Variants in CASQ1 observed in about 807,000 individuals in gnomAD.
The protein encoded by CASQ1 is calsequestrin-1.
In CASQ1, 40 loss-of-function variants were observed where a neutral mutation model predicts 49.5. The observed-to-expected ratio is 0.81, with a 90% CI of 0.63 to 1.05. The LOEUF is 1.05. Ranked by LOEUF, CASQ1 falls within the 50% of genes least tolerant of loss-of-function variation. The pLI is 0.00. For missense variants in CASQ1, 469 were observed against 486.9 expected, an observed-to-expected ratio of 0.96 and a Z score of 0.35; for synonymous variants, 174 against 187.2, an observed-to-expected ratio of 0.93 and a Z score of 0.58.
At chr1:160,194,342 T>C (rs766727641) in intron 3 of CASQ1, among the ~76,000 whole-genome samples, 6 of 141,180 alleles carry the variant, frequency 4.2e-5, no homozygotes, top group Non-Finnish European at 9.1e-5. Flanking sequence ...ACTACACACA[T>C]GCACACACAT....
In CASQ1 at chr1:160,192,919, G is replaced by A. The variant is rs755874903; in HGVS notation, c.364+33G>A. On this transcript the variant is annotated intron_variant, in intron 2 of 10. Transcript: ENST00000368078. ...AGGGGAGGGCAGGGGAGGGGAAGGT[G>A]GCATTGAGACAAGGGGAGGCTTAGG... 22 of 1,576,948 alleles carry A rather than the reference G, an allele frequency of 1.4e-5. No homozygotes were observed. The South Asian group carries it at 1.7e-4, about 12-fold the overall frequency.
chr1:160,196,102 G>A, intron 6 of CASQ1, 75 bp downstream of exon 6: 11 of 1,487,046 alleles, frequency 7.4e-6, no homozygotes, highest in Non-Finnish European at 1.0e-5. Context: ...AGATGGGCTG[G>A]GGAAAGCTTA....
chr1:160,201,554 CT>C lies in CASQ1; in HGVS notation c.*182del. Reference sequence around the variant, plus strand: ...CCTCATTTGATGAGCAAATGAGCTACTTTTCCCTAGACACCAGGCCAGCTCT... The same window carrying C: ...CCTCATTTGATGAGCAAATGAGCTACTTTCCCTAGACACCAGGCCAGCTCT... On this transcript the variant is annotated 3_prime_UTR_variant, in exon 11 of 11. Coordinates refer to ENST00000368078, the MANE Select transcript of CASQ1 (RefSeq NM_001231.5). 1 of 641,642 alleles carries C rather than the reference CT, an allele frequency of 1.6e-6. No homozygotes were observed. 39.7% of individuals were successfully genotyped at this position (641,642 alleles called of 1,614,324 possible).
chr1:160,196,546 T>C (rs144732359), intron 6 of CASQ1, among the ~76,000 whole-genome samples: 1 of 152,028 alleles, frequency 6.6e-6, no homozygotes, highest in East Asian at 1.9e-4. Flanking sequence ...GGCGCCATCT[T>C]GGCTCACTGC....
At position 160,195,464 on chromosome 1, in the gene CASQ1, A is replaced by G. The variant is rs367622550; in HGVS notation, c.581A>G (p.Tyr194Cys). Residue 194 changes from tyrosine (Y) to cysteine (C), a missense_variant, in exon 5 of 11, where the codon TAC becomes TGC. By Grantham distance (194) the Tyr-to-Cys change is radical (BLOSUM62 -2). Coordinates refer to ENST00000368078, the MANE Select transcript of CASQ1 (RefSeq NM_001231.5). ...GACTCTGCATTCCACCCCCCAGATT[A>G]CAAAGCCTTCGAGGATGCAGCTGAG... is the stretch of plus-strand genomic sequence containing the variant. ...GYFKSKDSEH[Y>C]KAFEDAAEEF... 25 of 1,613,874 alleles carry G rather than the reference A, an allele frequency of 1.5e-5. No homozygotes were observed. The highest frequency in any genetic ancestry group is 4.0e-5 in the African/African-American group (3 of 74,884).
Position 160,193,805 on chromosome 1 carries a change from T to C in CASQ1, c.423T>C (p.Asp141=), listed in dbSNP as rs1441759944. 1.9e-6 allele frequency: 3 copies of C among 1,613,018 alleles called. No homozygotes were observed. The East Asian group carries it at 6.7e-5, about 36-fold the overall frequency. ...VFKGDEVIEY[D]GEFSADTIVE... Reference sequence around the variant, plus strand: ...AGGGAGATGAAGTCATTGAGTACGATGGCGAGTTTTCTGCTGACACCATCG... The same window carrying C: ...AGGGAGATGAAGTCATTGAGTACGACGGCGAGTTTTCTGCTGACACCATCG... The change falls in exon 3 of 11, where the codon GAT becomes GAC. Residue 141 remains aspartate, a synonymous_variant. Coordinates refer to ENST00000368078, the MANE Select transcript of CASQ1 (RefSeq NM_001231.5).
intron 7 of CASQ1, 71 bp from the exon 8 acceptor site, chr1:160,198,606 G>T: frequency 9.1e-7 from 1 of 1,098,084 alleles, no homozygotes; most frequent in Non-Finnish European, 1.4e-6. Context: ...GATCTGTTCT[G>T]GGCTCCTCAA....
chr1:160,197,570 T>A lies in CASQ1; in HGVS notation c.784T>A (p.Ser262Thr). Residue 262 changes from serine to threonine, a missense_variant and splice_region_variant, in exon 7 of 11, where the codon TCA (serine) becomes ACA (threonine). Coordinates refer to ENST00000368078, the MANE Select transcript of CASQ1 (RefSeq NM_001231.5). ...TGACACTCTGTCTGTCTCTTCTAGA[T>A]CAACCCTGAGGAAACTGAAGCCGGA... Reference protein sequence around the residue: ...IVNFVEEHRRSTLRKLKPESM... With the variant: ...IVNFVEEHRRTTLRKLKPESM... 1 of 1,610,472 alleles carries A rather than the reference T, an allele frequency of 6.2e-7. No homozygotes were observed. Among genetic ancestry groups the A allele is most frequent in the Middle Eastern group, 1.7e-4 (1 of 6,048 alleles).
chr1:160,200,027 G>T, intron 10 of CASQ1, 102 bp downstream of exon 10: 1 of 792,146 alleles, frequency 1.3e-6, no homozygotes, highest in Non-Finnish European at 2.3e-6. Context: ...CTTCTCACAG[G>T]ACGCAGACAT....
chr1:160,192,855 T>C lies in CASQ1; in HGVS notation c.333T>C (p.Ser111=), dbSNP rs776839433. 1 of 1,613,670 alleles carries C rather than the reference T, an allele frequency of 6.2e-7. No individual in the cohort carries two copies. The highest frequency in any genetic ancestry group is 2.2e-5 in the East Asian group (1 of 44,872). The change falls in exon 2 of 11, where the codon TCT becomes TCC. Residue 111 remains serine (S), a synonymous_variant. Transcript: ENST00000368078. ...DKGVGFGLVD[S]EKDAAVAKKL... The stretch of plus-strand genomic sequence containing the variant: ...GTGTTGGCTTCGGGCTGGTAGACTC[T>C]GAGAAGGATGCAGCTGTGGCCAAGA...
intron 7 of CASQ1, 68 bp from the exon 8 acceptor site, chr1:160,198,609 C>A: frequency 8.8e-7 from 1 of 1,137,092 alleles, no homozygotes; most frequent in Non-Finnish European, 1.3e-6. Context: ...CTGTTCTGGG[C>A]TCCTCAACTT....
In CASQ1 at chr1:160,190,827, G is replaced by A; in HGVS notation, c.76G>A (p.Gly26Arg). Residue 26 changes from glycine (G) to arginine (R), a missense_variant, in exon 1 of 11, where the codon GGG becomes AGG. Coordinates refer to ENST00000368078, the MANE Select transcript of CASQ1 (RefSeq NM_001231.5). ...GGCACTGCTGTTGCTGCTGGTGCTA[G>A]GGACACCCAAGTCAGGGGTACAGGG... The part of the protein sequence containing the change: ...RLALLLLLVL[G>R]TPKSGVQGQE... 10 of 1,614,166 alleles carry A rather than the reference G, an allele frequency of 6.2e-6. 1 individual carries two copies. Among genetic ancestry groups the A allele is most frequent in the Non-Finnish European group, 5.1e-6 (6 of 1,180,014 alleles).
intron 10 of CASQ1, among the ~76,000 whole-genome samples, chr1:160,200,226 C>T (rs893840440): frequency 6.6e-6 from 1 of 152,212 alleles, no homozygotes; most frequent in African/African-American, 2.4e-5. Context: ...CCATTGAGAA[C>T]ATGACATTTA....
At chr1:160,196,832 C>T (rs1018780364) in intron 6 of CASQ1, among the ~76,000 whole-genome samples, 7 of 152,144 alleles carry the variant, frequency 4.6e-5, no homozygotes, top group East Asian at 1.9e-4. Context: ...GGTGGGAAGG[C>T]GTGGCGAGGT....
At chr1:160,195,576 G>A (rs926805458) in intron 5 of CASQ1, 42 bp downstream of exon 5, 3 of 1,577,924 alleles carry the variant, frequency 1.9e-6, no homozygotes, top group African/African-American at 1.4e-5. Flanking sequence ...CTCATGTCCT[G>A]AAGCTGTCCT....
chr1:160,197,892 G>A (rs553343095), intron 7 of CASQ1, among the ~76,000 whole-genome samples: 12 of 152,230 alleles, frequency 7.9e-5, no homozygotes, highest in Admixed American at 2.0e-4. Flanking sequence ...GGTGGCGGGC[G>A]CCTGTAGTCC....
At chr1:160,192,910 G>C in intron 2 of CASQ1, 24 bp downstream of exon 2, 2 of 1,593,096 alleles carry the variant, frequency 1.3e-6, no homozygotes, top group Non-Finnish European at 1.7e-6. Context: ...GGGCAGGGGA[G>C]GGGAAGGTGG....
At chr1:160,199,734 TCCA>T (rs1238554171) in intron 9 of CASQ1, 114 bp from the exon 10 acceptor site, 4 of 710,648 alleles carry the variant, frequency 5.6e-6, no homozygotes, top group Non-Finnish European at 7.8e-6. Flanking sequence ...CCTGTCCCCA[TCCA>T]CTGCCAGTTC....
At chr1:160,191,270 G>A (rs974646851) in intron 1 of CASQ1, among the ~76,000 whole-genome samples, 4 of 152,134 alleles carry the variant, frequency 2.6e-5, no homozygotes, top group Non-Finnish European at 5.9e-5. Context: ...GCTGCAGGAA[G>A]AGCTCCCCTC....
Sources: allele counts gnomAD v4.1 joint callset (sites outside exome capture counted in the v4.1 genomes callset), GRCh38; gene constraint gnomAD v4.1.1; transcripts MANE v1.5; gene names NCBI Gene and HGNC (gene_info 2026-07-23, HGNC 2026-07-21).